The following TTC9C variants were observed in gnomAD, a reference collection of about 807,000 sequenced individuals.
TTC9C encodes the protein tetratricopeptide repeat protein 9C.
A neutral mutation model predicts 22.5 loss-of-function variants in TTC9C; 15 were observed. The ratio of observed to expected loss-of-function variants is 0.67; its 90% CI spans 0.45 to 1.03. The LOEUF (loss-of-function observed/expected upper bound fraction) is 1.03. TTC9C is among the 50% of genes least tolerant of loss of function. TTC9C has a pLI of 0.00. For missense variants in TTC9C, 244 were observed against 214.6 expected, an observed-to-expected ratio of 1.14 and a Z score of -0.86; for synonymous variants, 92 against 86.8, an observed-to-expected ratio of 1.06 and a Z score of -0.33.
intron 2 of TTC9C, 88 bp downstream of exon 2, chr11:62,735,652 A>G (rs1026279913): frequency 2.8e-6 from 4 of 1,453,676 alleles, no homozygotes; most frequent in Admixed American, 2.8e-5. Context: ...TACTTTGCCA[A>G]TGTATTATTT....
chr11:62,735,684 T>G, intron 2 of TTC9C, 120 bp downstream of exon 2: 1 of 1,412,176 alleles, frequency 7.1e-7, no homozygotes, highest in African/African-American at 1.4e-5. Context: ...TACATTCACA[T>G]GGTTGAGAAT....
intron 1 of TTC9C, among the ~76,000 whole-genome samples, chr11:62,734,368 G>A (rs564099851): frequency 3.0e-4 from 45 of 152,104 alleles, no homozygotes; most frequent in African/African-American, 9.6e-4. Context: ...GGGAGGCCAA[G>A]GTGGACAGAT....
chr11:62,734,779 G>C (rs2083891588), intron 1 of TTC9C, among the ~76,000 whole-genome samples: 1 of 152,082 alleles, frequency 6.6e-6, no homozygotes, highest in Non-Finnish European at 1.5e-5. Context: ...ACCATGCTCA[G>C]CCGAGTTTTA....
upstream of TTC9C, chr11:62,728,050 T>TTTA (rs59264888): frequency 4.7e-5 from 7 of 148,700 alleles, no homozygotes; most frequent in East Asian, 2.0e-4. Context: ...TTTTTTTTTT[T>TTTA]CCCAGGTTGG....
At chr11:62,737,059 C>A (rs1215417488) in intron 2 of TTC9C, among the ~76,000 whole-genome samples, 5 of 151,784 alleles carry the variant, frequency 3.3e-5, no homozygotes, top group Non-Finnish European at 5.9e-5. Context: ...ATTAGCCGGG[C>A]GTGGTGGCGG....
Position 62,728,925 on chromosome 11 carries a change from A to G in TTC9C, c.77A>G (p.Asp26Gly), listed in dbSNP as rs765254891. 1.2e-6 allele frequency: 2 copies of G among 1,614,188 alleles called. No homozygotes were observed. The highest frequency in any genetic ancestry group is 1.1e-5 in the South Asian group (1 of 91,078). The change falls in exon 1 of 3, where the codon GAT becomes GGT. Residue 26 changes from aspartate to glycine, a missense_variant. Coordinates refer to ENST00000316461, the MANE Select transcript of TTC9C (RefSeq NM_173810.4). Reference sequence around the variant, plus strand: ...CGCTACCGGGAAGGGAAGTACCGAGATGCTGTGAGTAGGTACCATCGAGCT... The same window carrying G: ...CGCTACCGGGAAGGGAAGTACCGAGGTGCTGTGAGTAGGTACCATCGAGCT... ...NQRYREGKYR[D>G]AVSRYHRALL...
chr11:62,729,866 G>T (rs538662734), intron 1 of TTC9C, among the ~76,000 whole-genome samples: 1 of 152,018 alleles, frequency 6.6e-6, no homozygotes, highest in African/African-American at 2.4e-5. Flanking sequence ...GTGAGCCACC[G>T]CACCCAGCCC....
At chr11:62,730,050 G>A (rs1248353361) in intron 1 of TTC9C, among the ~76,000 whole-genome samples, 2 of 152,138 alleles carry the variant, frequency 1.3e-5, no homozygotes, top group Admixed American at 1.3e-4. Flanking sequence ...TATTCAGTGG[G>A]TCGTATAGCT....
intron 1 of TTC9C, among the ~76,000 whole-genome samples, chr11:62,732,086 C>T (rs3110101): frequency 2.7e-4 from 40 of 148,700 alleles, no homozygotes; most frequent in Non-Finnish European, 4.2e-4. Context: ...AGCTCTGCCT[C>T]CTGGGTTCAC....
At position 62,735,559 on chromosome 11, in the gene TTC9C, C is replaced by A. The variant is rs1009371476; in HGVS notation, c.416C>A (p.Pro139His). ...HYLLAAVNRQPKDANVRRYLQ... is the reference protein window; with the variant it reads ...HYLLAAVNRQHKDANVRRYLQ... ...CTCCTGGCTGCCGTGAATAGGCAGC[C>A]TAAAGGTAAGCAAGAAGGGCTTTGA... is the stretch of plus-strand genomic sequence containing the variant. The change falls in exon 2 of 3, where the codon CCT (proline) becomes CAT (histidine). Residue 139 changes from proline to histidine, a missense_variant. Pro to His is a moderately conservative substitution (Grantham distance 77). Coordinates refer to ENST00000316461, the MANE Select transcript of TTC9C (RefSeq NM_173810.4). 3.4e-5 allele frequency: 54 copies of A among 1,606,722 alleles called. No homozygotes were observed. Among genetic ancestry groups the A allele is most frequent in the Non-Finnish European group, 4.4e-5 (52 of 1,175,282 alleles).
Position 62,728,566 on chromosome 11 carries a change from C to A in TTC9C, c.-283C>A, listed in dbSNP as rs767406081. 51 of 548,080 alleles carry A rather than the reference C, an allele frequency of 9.3e-5. No individual in the cohort carries two copies. The highest frequency in any genetic ancestry group is 7.2e-4 in the South Asian group (47 of 65,346). 34.0% of individuals were successfully genotyped at this position (548,080 alleles called of 1,614,324 possible). On this transcript the variant is annotated 5_prime_UTR_variant, in exon 1 of 3. Coordinates refer to ENST00000316461, the MANE Select transcript of TTC9C (RefSeq NM_173810.4). ...TTCTTCGGAAAGTCTCATCCACCCCCACATCGCCTCTTTAGGAAGTCACTT... is the reference window on the plus strand; with the variant it reads ...TTCTTCGGAAAGTCTCATCCACCCCAACATCGCCTCTTTAGGAAGTCACTT...
intron 2 of TTC9C, among the ~76,000 whole-genome samples, chr11:62,736,833 G>T (rs1431810898): frequency 1.3e-5 from 2 of 151,070 alleles, no homozygotes; most frequent in Admixed American, 1.3e-4. Context: ...TAGCCTGGGC[G>T]ACAGAGCCAG....
chr11:62,737,594 GAATT>G (rs2083926697), intron 2 of TTC9C, among the ~76,000 whole-genome samples: 3 of 152,132 alleles, frequency 2.0e-5, no homozygotes, highest in Admixed American at 1.3e-4. Flanking sequence ...AAGCCATTAT[GAATT>G]AATAAAGATA....
intron 1 of TTC9C, chr11:62,733,115 C>A: frequency 7.8e-7 from 1 of 1,285,756 alleles, no homozygotes; most frequent in Non-Finnish European, 1.0e-6. Flanking sequence ...TTAATTCCCA[C>A]AGTTGTGAAA....
intron 2 of TTC9C, among the ~76,000 whole-genome samples, chr11:62,736,958 G>A (rs1272053278): frequency 1.3e-5 from 2 of 151,980 alleles, no homozygotes; most frequent in Non-Finnish European, 2.9e-5. Context: ...AGCACTTTGG[G>A]AGGCCAAGGT....
At chr11:62,734,191 G>C (rs758919400) in intron 1 of TTC9C, among the ~76,000 whole-genome samples, 2 of 151,346 alleles carry the variant, frequency 1.3e-5, no homozygotes, top group African/African-American at 4.9e-5. Flanking sequence ...CCAGCTACTC[G>C]GGAAGCTGAG....
At chr11:62,736,709 A>T (rs78970395) in intron 2 of TTC9C, among the ~76,000 whole-genome samples, 2 of 149,766 alleles carry the variant, frequency 1.3e-5, no homozygotes, top group Non-Finnish European at 3.0e-5. Flanking sequence ...AAAAAAAAAA[A>T]GCTGGGCGTG....
chr11:62,729,441 C>T (rs1204305177), intron 1 of TTC9C, among the ~76,000 whole-genome samples: 8 of 150,908 alleles, frequency 5.3e-5, no homozygotes, highest in Non-Finnish European at 1.2e-4. Context: ...CTCTGTCTCC[C>T]AGGCTGGAGT....
rs2083939583 is a variant in TTC9C, at chr11:62,738,593, ATTG to A, written c.*215_*217del. On this transcript the variant is annotated 3_prime_UTR_variant, in exon 3 of 3. Coordinates refer to ENST00000316461, the MANE Select transcript of TTC9C (RefSeq NM_173810.4). ...ATTTCTATACCTTTCAATACATGTT[ATTG>A]TTGCAGATATTTGGCTTGAGAAATA... 2.4e-6 allele frequency: 1 copy of A among 424,462 alleles called. No homozygotes were observed. Among genetic ancestry groups the A allele is most frequent in the Non-Finnish European group, 4.3e-6 (1 of 234,744 alleles). 26.3% of individuals were successfully genotyped at this position (424,462 alleles called of 1,614,324 possible). A position where few individuals can be genotyped will look rare whatever the true frequency, so the allele number is the denominator to read the frequency against.
Sources: gnomAD v4.1 joint callset for allele counts (sites outside exome capture counted in the v4.1 genomes callset) on GRCh38, gnomAD v4.1.1 for gene constraint, MANE v1.5 for transcripts, NCBI Gene and HGNC (gene_info 2026-07-23, HGNC 2026-07-21) for gene names.